The following PRICKLE2 variants were observed in gnomAD, a reference collection of about 807,000 sequenced individuals.
The protein encoded by PRICKLE2 is prickle planar cell polarity protein 2.
PRICKLE2 carries 21 observed loss-of-function variants against 81.4 expected under a neutral mutation model. The ratio of observed to expected loss-of-function variants is 0.26; its 90% CI spans 0.18 to 0.37. The LOEUF (loss-of-function observed/expected upper bound fraction) is 0.37. Among genes scored for constraint, PRICKLE2 ranks in the 10% least tolerant of loss-of-function variants. The pLI, the probability that PRICKLE2 is intolerant of heterozygous loss-of-function variation, is 1.00. For synonymous variants in PRICKLE2, 456 were observed against 421.5 expected (o/e 1.08, Z -1.00); for missense variants, 940 against 1,109.0 (o/e 0.85, Z 2.16).
chr3:64,093,771 A>G lies in PRICKLE2; in HGVS notation c.*5280T>C, dbSNP rs1393347798. ...ATTTCATAGTAAAACTCATCCCTCCATACCTGTGTCCTTTCTTTTCTTTGT... is the reference window on the plus strand; with the variant it reads ...ATTTCATAGTAAAACTCATCCCTCCGTACCTGTGTCCTTTCTTTTCTTTGT... On this transcript the variant is annotated 3_prime_UTR_variant, in exon 8 of 8. Coordinates refer to ENST00000638394, the MANE Select transcript of PRICKLE2 (RefSeq NM_198859.4). The G allele has an allele frequency of 1.3e-5, 2 of 152,208 alleles. No homozygotes were observed. Among genetic ancestry groups the G allele is most frequent in the African/African-American group, 4.8e-5 (2 of 41,442 alleles). The allele number at this position is 152,208 out of a possible 1,614,324, so 9.4% of individuals were successfully genotyped here. A position where few individuals can be genotyped will look rare whatever the true frequency, so the allele number is the denominator to read the frequency against.
At chr3:64,155,895 G>A (rs1035606122) in intron 5 of PRICKLE2, among the ~76,000 whole-genome samples, 3 of 152,082 alleles carry the variant, frequency 2.0e-5, no homozygotes, top group African/African-American at 7.2e-5. Context: ...GACTGCTAAT[G>A]GATAAAGAGT....
rs1273635702 is a variant in PRICKLE2 at position 64,099,718 on chromosome 3, T to C, written c.1868A>G (p.Gln623Arg). The C allele has an allele frequency of 6.2e-7, 1 of 1,614,216 alleles. No homozygotes were observed. The highest frequency in any genetic ancestry group is 2.2e-5 in the East Asian group (1 of 44,868). Residue 623 changes from glutamine (Q) to arginine (R), a missense_variant, in exon 8 of 8, where the codon CAG becomes CGG. By Grantham distance (43) the Gln-to-Arg change is conservative. Coordinates refer to ENST00000638394, the MANE Select transcript of PRICKLE2 (RefSeq NM_198859.4). The surrounding 1 kb of genome is among the most constrained non-coding windows in gnomAD (Gnocchi z 4.3). ...QYQEMEGNLH[Q>R]LSNPIGYRDL... The stretch of plus-strand genomic sequence containing the variant: ...TCTGTAGCCAATGGGGTTGCTGAGC[T>C]GGTGGAGGTTTCCCTCCATCTCCTG...
chr3:64,116,244 TAGAA>T (rs907966447), intron 7 of PRICKLE2, among the ~76,000 whole-genome samples: 1 of 151,934 alleles, frequency 6.6e-6, no homozygotes, highest in African/African-American at 2.4e-5. Flanking sequence ...ATCAAAAAGT[TAGAA>T]AGATCTCAAG....
intron 7 of PRICKLE2, among the ~76,000 whole-genome samples, chr3:64,125,677 G>T (rs1240328615): frequency 6.6e-6 from 1 of 152,176 alleles, no homozygotes; most frequent in East Asian, 1.9e-4. Context: ...AGACAGAATA[G>T]TATCGCACAC....
intron 5 of PRICKLE2, among the ~76,000 whole-genome samples, chr3:64,155,365 T>G (rs1290524694): frequency 9.7e-6 from 1 of 102,716 alleles, no homozygotes; most frequent in Non-Finnish European, 2.3e-5. Context: ...ATAGCTATAA[T>G]GAAAAAAAAA....
At chr3:64,135,114 C>A (rs2106993430) in intron 7 of PRICKLE2, among the ~76,000 whole-genome samples, 1 of 152,222 alleles carries the variant, frequency 6.6e-6, no homozygotes, top group East Asian at 1.9e-4. Context: ...TCGGTGGGGG[C>A]AGATTTGAGT....
At chr3:64,261,628 G>A (rs2079616048) in intron 2 of PRICKLE2, among the ~76,000 whole-genome samples, 1 of 152,056 alleles carries the variant, frequency 6.6e-6, no homozygotes, top group South Asian at 2.1e-4. Context: ...ATGGTGAGAA[G>A]CTCCTAGCCA....
At chr3:64,191,121 A>G (rs796917272) in intron 2 of PRICKLE2, among the ~76,000 whole-genome samples, 1 of 152,196 alleles carries the variant, frequency 6.6e-6, no homozygotes, top group Non-Finnish European at 1.5e-5. Flanking sequence ...AAAGGTTCCC[A>G]TATTGGCAGA....
At chr3:64,213,973 G>GC (rs1559583668) in intron 1 of PRICKLE2, among the ~76,000 whole-genome samples, 1 of 152,062 alleles carries the variant, frequency 6.6e-6, no homozygotes, top group African/African-American at 2.4e-5. Flanking sequence ...TCACAGAGAG[G>GC]CCCCCAAATC....
At chr3:64,258,998 T>C (rs2079576183) in intron 2 of PRICKLE2, among the ~76,000 whole-genome samples, 1 of 152,108 alleles carries the variant, frequency 6.6e-6, no homozygotes, top group East Asian at 1.9e-4. Context: ...CTGGTATATT[T>C]AGCTTATGAA....
intron 7 of PRICKLE2, among the ~76,000 whole-genome samples, chr3:64,122,137 G>A (rs1036217936): frequency 6.6e-6 from 1 of 152,154 alleles, no homozygotes; most frequent in African/African-American, 2.4e-5. Flanking sequence ...TGCTGCCAGA[G>A]AGGTCAGAAT....
intron 7 of PRICKLE2, among the ~76,000 whole-genome samples, chr3:64,114,550 A>T (rs1200520351): frequency 7.2e-5 from 11 of 152,188 alleles, no homozygotes; most frequent in Admixed American, 7.2e-4. Context: ...AGAGCTAAAA[A>T]AACCCATTAC....
intron 1 of PRICKLE2, among the ~76,000 whole-genome samples, chr3:64,219,495 G>A (rs1297240349): frequency 6.6e-6 from 1 of 152,188 alleles, no homozygotes. Context: ...CCTGCCTGCA[G>A]TTTTTACTTC....
chr3:64,140,188 A>T (rs969343334), intron 7 of PRICKLE2, among the ~76,000 whole-genome samples: 4 of 152,206 alleles, frequency 2.6e-5, no homozygotes, highest in African/African-American at 7.2e-5. Context: ...TCCATTTCAA[A>T]GATGAGGATA....
At chr3:64,261,916 A>G (rs951516876) in intron 2 of PRICKLE2, among the ~76,000 whole-genome samples, 1 of 152,206 alleles carries the variant, frequency 6.6e-6, no homozygotes. Context: ...CTTCAGAACC[A>G]CTAGGTGTTT....
chr3:64,235,187 T>C (rs2079162517), intron 2 of PRICKLE2, among the ~76,000 whole-genome samples: 1 of 152,236 alleles, frequency 6.6e-6, no homozygotes, highest in South Asian at 2.1e-4. Context: ...TCATTCCAGT[T>C]ATTATACTTT....
intron 2 of PRICKLE2, 40 bp downstream of exon 2, chr3:64,198,744 A>G (rs757229992): frequency 1.9e-6 from 3 of 1,607,602 alleles, no homozygotes; most frequent in Admixed American, 1.7e-5. Context: ...GGCAAAGTGA[A>G]ACACCCAAAC....
At chr3:64,220,509 T>C (rs1333043383) in intron 1 of PRICKLE2, among the ~76,000 whole-genome samples, 4 of 152,200 alleles carry the variant, frequency 2.6e-5, no homozygotes, top group Admixed American at 1.3e-4. Context: ...GCTCCTGTGC[T>C]GCCTTCAGTG....
intron 2 of PRICKLE2, among the ~76,000 whole-genome samples, chr3:64,183,442 C>A (rs2078168520): frequency 6.6e-6 from 1 of 151,816 alleles, no homozygotes; most frequent in South Asian, 2.1e-4. Context: ...ATAGTATAAC[C>A]ATAGGTTATA....
Sources: gnomAD v4.1 joint callset for allele counts (sites outside exome capture counted in the v4.1 genomes callset) on GRCh38, gnomAD v4.1.1 for gene constraint, Gnocchi (gnomAD v3.1) non-coding constraint, MANE v1.5 for transcripts, NCBI Gene and HGNC (gene_info 2026-07-23, HGNC 2026-07-21) for gene names.